ZNF366: variants seen among roughly 807,000 people sequenced by gnomAD.
ZNF366 encodes the protein dendritic cell-specific transcript protein.
A neutral mutation model predicts 47.2 loss-of-function variants in ZNF366; 20 were observed. The ratio of observed to expected loss-of-function variants is 0.42; its 90% CI spans 0.30 to 0.62. ZNF366 has a LOEUF of 0.62. ZNF366 is among the 20% of genes least tolerant of loss of function. ZNF366 has a pLI of 0.16. For synonymous variants in ZNF366, 421 were observed against 395.1 expected, an observed-to-expected ratio of 1.07 and a Z score of -0.78; for missense variants, 987 against 976.3, an observed-to-expected ratio of 1.01 and a Z score of -0.15.
At chr5:72,451,940 C>G (rs1165708658) in intron 3 of ZNF366, among the ~76,000 whole-genome samples, 1 of 152,218 alleles carries the variant, frequency 6.6e-6, no homozygotes, top group Non-Finnish European at 1.5e-5. Context: ...CCTGGAGGCA[C>G]CTCAGGCACT....
At chr5:72,446,663 T>C (rs937126578) in intron 4 of ZNF366, among the ~76,000 whole-genome samples, 3 of 152,186 alleles carry the variant, frequency 2.0e-5, no homozygotes, top group Non-Finnish European at 4.4e-5. Context: ...AGGAAAATTG[T>C]CCTTGGGTGT....
chr5:72,473,467 A>G (rs1301559393), intron 1 of ZNF366, among the ~76,000 whole-genome samples: 1 of 152,200 alleles, frequency 6.6e-6, no homozygotes, highest in Non-Finnish European at 1.5e-5. Context: ...GTTCTCCATA[A>G]TCAAGTCCAA....
chr5:72,496,110 A>C (rs559123666), intron 1 of ZNF366, among the ~76,000 whole-genome samples: 1 of 152,226 alleles, frequency 6.6e-6, no homozygotes, highest in Non-Finnish European at 1.5e-5. Context: ...TTTCAAGTTA[A>C]ACAGCTTTAT....
In ZNF366 at chr5:72,461,446, C is replaced by G. The variant is rs760893397; in HGVS notation, c.51G>C (p.Leu17Phe). 5 of 1,599,258 alleles carry G rather than the reference C, an allele frequency of 3.1e-6. No individual in the cohort carries two copies. The South Asian group carries it at 5.6e-5, about 18-fold the overall frequency. ...GAAAGGAGGGGGTCTTCTTCACAGC[C>G]AAGTCGAAATGCACATCCTCGTCTT... ...MIKDEDVHFD[L>F]AVKKTPSFPH... is the part of the protein sequence containing the mutation. The change falls in exon 2 of 5, where the codon TTG becomes TTC. Residue 17 changes from leucine (L) to phenylalanine (F), a missense_variant. Leu to Phe is a conservative substitution (Grantham distance 22). Transcript: ENST00000318442.
At chr5:72,472,122 G>A (rs1314172907) in intron 1 of ZNF366, among the ~76,000 whole-genome samples, 1 of 152,206 alleles carries the variant, frequency 6.6e-6, no homozygotes, top group Admixed American at 6.5e-5. Context: ...TGTCTCTTCT[G>A]TGTCTGCACT....
At chr5:72,464,706 C>T (rs1185059931) in intron 1 of ZNF366, among the ~76,000 whole-genome samples, 1 of 152,084 alleles carries the variant, frequency 6.6e-6, no homozygotes, top group East Asian at 1.9e-4. Context: ...GATTCTCCCA[C>T]CCTTAAAATA....
intron 1 of ZNF366, among the ~76,000 whole-genome samples, chr5:72,476,726 C>T (rs539769201): frequency 7.9e-5 from 12 of 152,238 alleles, no homozygotes; most frequent in East Asian, 1.9e-4. Flanking sequence ...CACAGGTGCA[C>T]CATTTGTATG....
intron 1 of ZNF366, among the ~76,000 whole-genome samples, chr5:72,472,222 T>A (rs1206862818): frequency 6.6e-6 from 1 of 152,184 alleles, no homozygotes. Flanking sequence ...CAACCAGATG[T>A]CGTGCAAAAC....
chr5:72,450,563 C>T (rs980449220), intron 3 of ZNF366, among the ~76,000 whole-genome samples: 1 of 152,204 alleles, frequency 6.6e-6, no homozygotes, highest in African/African-American at 2.4e-5. Flanking sequence ...AAGCAGCCAT[C>T]ACCAGCTCTC....
intron 1 of ZNF366, among the ~76,000 whole-genome samples, chr5:72,484,446 T>C (rs1399335528): frequency 1.4e-5 from 2 of 145,746 alleles, no homozygotes; most frequent in Non-Finnish European, 3.0e-5. Flanking sequence ...ATCCCGCCAC[T>C]GCACTCCAGC....
At chr5:72,474,649 C>T (rs1743635871) in intron 1 of ZNF366, among the ~76,000 whole-genome samples, 1 of 150,870 alleles carries the variant, frequency 6.6e-6, no homozygotes, top group African/African-American at 2.5e-5. Context: ...AATGTACACC[C>T]ATGCACACAC....
rs777195802 is a variant in ZNF366 at position 72,441,563 on chromosome 5, T to A, written c.*2193A>T. ...CCCTTACCTCAGGACATAGTACTCT[T>A]AGCACTTCATGGTGGTGGGGAGGCT... On this transcript the variant is annotated 3_prime_UTR_variant, in exon 5 of 5. Transcript: ENST00000318442. 1 of 152,358 alleles carries A rather than the reference T, an allele frequency of 6.6e-6. No homozygotes were observed. Among genetic ancestry groups the A allele is most frequent in the East Asian group, 1.9e-4 (1 of 5,194 alleles). 9.4% of individuals were successfully genotyped at this position (152,358 alleles called of 1,614,324 possible).
intron 1 of ZNF366, among the ~76,000 whole-genome samples, chr5:72,480,895 G>A (rs1292349211): frequency 6.6e-6 from 1 of 152,204 alleles, no homozygotes; most frequent in Non-Finnish European, 1.5e-5. Flanking sequence ...AGACTGCTTT[G>A]TAGGGAGGAT....
chr5:72,444,897 C>G (rs1028569356), intron 4 of ZNF366, among the ~76,000 whole-genome samples: 9 of 152,168 alleles, frequency 5.9e-5, no homozygotes, highest in Non-Finnish European at 1.3e-4. Context: ...AATGAACACT[C>G]TCTTTTCACT....
At chr5:72,465,182 G>A (rs560497542) in intron 1 of ZNF366, among the ~76,000 whole-genome samples, 10 of 152,258 alleles carry the variant, frequency 6.6e-5, no homozygotes, top group African/African-American at 2.4e-4. Flanking sequence ...GATCATCACC[G>A]GTCCCTACAG....
chr5:72,478,281 T>G (rs1743717311), intron 1 of ZNF366, among the ~76,000 whole-genome samples: 1 of 104,702 alleles, frequency 9.6e-6, no homozygotes. Context: ...ACCCCTTCTA[T>G]GCAGGTTTCA....
chr5:72,468,776 C>A (rs1580242412), intron 1 of ZNF366, among the ~76,000 whole-genome samples: 3 of 152,250 alleles, frequency 2.0e-5, no homozygotes, highest in Admixed American at 2.0e-4. Context: ...CTTGGAACAG[C>A]TGCTAGTGTG....
At chr5:72,472,046 G>T (rs751381321) in intron 1 of ZNF366, among the ~76,000 whole-genome samples, 3 of 152,140 alleles carry the variant, frequency 2.0e-5, no homozygotes, top group Non-Finnish European at 4.4e-5. Flanking sequence ...ATAAATACAA[G>T]CCACAGTAAA....
At chr5:72,481,235 A>C (rs1224775578) in intron 1 of ZNF366, among the ~76,000 whole-genome samples, 1 of 152,232 alleles carries the variant, frequency 6.6e-6, no homozygotes, top group Non-Finnish European at 1.5e-5. Context: ...GAATTAGATT[A>C]AGGTGAACAA....
Sources: allele counts gnomAD v4.1 joint callset (sites outside exome capture counted in the v4.1 genomes callset), GRCh38; gene constraint gnomAD v4.1.1; transcripts MANE v1.5; gene names NCBI Gene and HGNC (gene_info 2026-07-23, HGNC 2026-07-21).